GTF2F2: variants seen among roughly 807,000 people sequenced by gnomAD.
GTF2F2 encodes ATP-dependent helicase GTF2F2.
Under a neutral mutation model 42.2 loss-of-function variants are expected in GTF2F2, and 23 were observed. The ratio of observed to expected loss-of-function variants is 0.55; its 90% CI spans 0.39 to 0.77. The LOEUF is 0.77. GTF2F2 is among the 30% of genes least tolerant of loss of function. GTF2F2 has a pLI of 0.00. For missense variants in GTF2F2, 261 were observed against 287.2 expected (o/e 0.91, Z 0.66); for synonymous variants, 105 against 100.8 (o/e 1.04, Z -0.25).
intron 5 of GTF2F2, among the ~76,000 whole-genome samples, chr13:45,246,959 A>T (rs1257525187): frequency 6.6e-6 from 1 of 150,924 alleles, no homozygotes; most frequent in Non-Finnish European, 1.5e-5. Context: ...AATGGTGTGA[A>T]CCCGGGAGGC....
chr13:45,197,386 G>C lies in GTF2F2; in HGVS notation c.305-10038G>C, dbSNP rs1418871881. ...AGCTGGGGTGTGTTGGTGTATGTCT[G>C]TAGTCCCAGTTACTTGGGAGGCTGA... On this transcript the variant is annotated intron_variant, in intron 4 of 7. Transcript: ENST00000340473. Among the ~76,000 whole-genome samples, 4 of 151,094 alleles carry C rather than the reference G, an allele frequency of 2.6e-5. No individual in the cohort carries two copies. In the East Asian group the frequency reaches 7.8e-4, roughly 30 times the overall value.
intron 4 of GTF2F2, among the ~76,000 whole-genome samples, chr13:45,164,691 A>C (rs1871185530): frequency 6.6e-6 from 1 of 152,182 alleles, no homozygotes; most frequent in Non-Finnish European, 1.5e-5. Context: ...GTGCCACTGC[A>C]CTCCAGTGTC....
intron 7 of GTF2F2, among the ~76,000 whole-genome samples, chr13:45,281,578 G>A (rs1877262126): frequency 6.6e-6 from 1 of 152,186 alleles, no homozygotes; most frequent in Non-Finnish European, 1.5e-5. Flanking sequence ...AGTCGCCTAG[G>A]CACTTGTTAA....
At chr13:45,184,402 T>TTGTG (rs1872319015) in intron 4 of GTF2F2, among the ~76,000 whole-genome samples, 1 of 150,110 alleles carries the variant, frequency 6.7e-6, no homozygotes, top group Non-Finnish European at 1.5e-5. Context: ...CCGCCCTTTT[T>TTGTG]TTTTGAGACA....
intron 4 of GTF2F2, among the ~76,000 whole-genome samples, chr13:45,205,886 G>A (rs1873392611): frequency 6.6e-6 from 1 of 152,088 alleles, no homozygotes; most frequent in Non-Finnish European, 1.5e-5. Flanking sequence ...TAAGACATTT[G>A]ATATATCAGA....
intron 1 of GTF2F2, among the ~76,000 whole-genome samples, chr13:45,121,758 T>C (rs568108950): frequency 6.6e-6 from 1 of 152,330 alleles, no homozygotes; most frequent in South Asian, 2.1e-4. Context: ...AAATAGATGA[T>C]GAATAAATGC....
At chr13:45,161,563 C>T (rs752631918) in intron 4 of GTF2F2, among the ~76,000 whole-genome samples, 14 of 152,124 alleles carry the variant, frequency 9.2e-5, no homozygotes, top group South Asian at 2.1e-4. Flanking sequence ...ATACAGGGGC[C>T]GGGCACCGTG....
intron 4 of GTF2F2, among the ~76,000 whole-genome samples, chr13:45,171,725 A>G (rs1178978829): frequency 1.3e-5 from 2 of 152,168 alleles, no homozygotes; most frequent in Non-Finnish European, 2.9e-5. Flanking sequence ...CATCATCTCA[A>G]AAGAAACCCA....
intron 2 of GTF2F2, 34 bp downstream of exon 2, chr13:45,136,840 A>G: frequency 8.0e-7 from 1 of 1,250,036 alleles, no homozygotes; most frequent in Non-Finnish European, 1.2e-6. Context: ...CATTTTAAAA[A>G]GCTATTTTTG....
intron 4 of GTF2F2, among the ~76,000 whole-genome samples, chr13:45,177,012 A>G (rs1489567895): frequency 6.6e-6 from 1 of 150,580 alleles, no homozygotes; most frequent in Non-Finnish European, 1.5e-5. Context: ...CTGGTTTTGA[A>G]CTCCTGGCCT....
chr13:45,177,750 G>A (rs1871954087), intron 4 of GTF2F2, among the ~76,000 whole-genome samples: 1 of 152,120 alleles, frequency 6.6e-6, no homozygotes, highest in Admixed American at 6.5e-5. Context: ...GAAAATATAT[G>A]TTGAGGTTGC....
chr13:45,122,671 T>G (rs1868719547), intron 1 of GTF2F2, among the ~76,000 whole-genome samples: 1 of 152,078 alleles, frequency 6.6e-6, no homozygotes, highest in Non-Finnish European at 1.5e-5. Context: ...TGTAATTTGT[T>G]GCTTAGAAAG....
intron 2 of GTF2F2, among the ~76,000 whole-genome samples, 157 bp downstream of exon 2, chr13:45,136,963 A>G (rs1869659896): frequency 6.6e-6 from 1 of 152,238 alleles, no homozygotes; most frequent in Non-Finnish European, 1.5e-5. Flanking sequence ...GGTGCCCTGT[A>G]AGGAGACATC....
rs780601888 is a variant in GTF2F2, at chr13:45,151,771, C to A, written c.244C>A (p.Pro82Thr). 1.3e-6 allele frequency: 2 copies of A among 1,586,904 alleles called. No homozygotes were observed. Among genetic ancestry groups the A allele is most frequent in the Non-Finnish European group, 8.6e-7 (1 of 1,160,434 alleles). ...TTCAGTCAGTGCTCCTAGAGAACAT[C>A]CATTTGTCTTGCAAAGTGTTGGAGG... ...PASVSAPREH[P>T]FVLQSVGGQT... is the part of the protein sequence containing the mutation. The change falls in exon 4 of 8, where the codon CCA becomes ACA. Residue 82 changes from proline (P) to threonine (T), a missense_variant. By Grantham distance (38) the Pro-to-Thr change is conservative (BLOSUM62 -1). Transcript: ENST00000340473.
intron 4 of GTF2F2, chr13:45,194,729 T>C: frequency 1.5e-6 from 1 of 645,392 alleles, no homozygotes; most frequent in South Asian, 2.0e-5. Context: ...GTAGGTGGCG[T>C]ATCAGCCTAT....
intron 4 of GTF2F2, among the ~76,000 whole-genome samples, chr13:45,201,517 A>G (rs1322804892): frequency 6.6e-6 from 1 of 152,198 alleles, no homozygotes; most frequent in Non-Finnish European, 1.5e-5. Flanking sequence ...CCAGAGATGT[A>G]AAATAACTTC....
intron 4 of GTF2F2, among the ~76,000 whole-genome samples, chr13:45,198,697 AT>A (rs532691559): frequency 4.1e-5 from 6 of 145,420 alleles, no homozygotes; most frequent in Admixed American, 6.8e-5. Context: ...ACTTGCCCAC[AT>A]TTTTTTTTTG....
At chr13:45,149,626 T>TG in intron 2 of GTF2F2, 144 bp from the exon 3 acceptor site, 1 of 707,640 alleles carries the variant, frequency 1.4e-6, no homozygotes. Flanking sequence ...AGGATAGTTG[T>TG]GGGGAGTCAA....
At chr13:45,215,757 G>GA (rs377138794) in intron 5 of GTF2F2, among the ~76,000 whole-genome samples, 15,611 of 122,052 alleles carry the variant, frequency 0.13, 1,014 homozygotes, top group East Asian at 0.27. Flanking sequence ...GACTCTGTCT[G>GA]AAAAAAAAAA....
Sources: allele counts gnomAD v4.1 joint callset (sites outside exome capture counted in the v4.1 genomes callset), GRCh38; gene constraint gnomAD v4.1.1; transcripts MANE v1.5; gene names NCBI Gene and HGNC (gene_info 2026-07-23, HGNC 2026-07-21).